The following PARP8 variants were observed in gnomAD, a reference collection of about 807,000 sequenced individuals.
PARP8 encodes the protein poly(ADP-ribose) polymerase family member 8, also known as protein mono-ADP-ribosyltransferase PARP8.
In PARP8, 51 loss-of-function variants were observed where a neutral mutation model predicts 124.1. That is an observed-to-expected ratio of 0.41 (90% CI 0.33 to 0.52). PARP8 has a LOEUF of 0.52. PARP8 is among the 20% of genes least tolerant of loss of function. PARP8 has a pLI of 0.21. For missense variants in PARP8, 860 were observed against 1,018.9 expected, an observed-to-expected ratio of 0.84 and a Z score of 2.12; for synonymous variants, 391 against 361.5, an observed-to-expected ratio of 1.08 and a Z score of -0.93.
intron 2 of PARP8, among the ~76,000 whole-genome samples, chr5:50,701,499 C>A (rs1753589448): frequency 6.6e-6 from 1 of 152,032 alleles, no homozygotes. Context: ...ATTTGCTCCC[C>A]TTTGCATAGT....
At chr5:50,832,101 T>C (rs1458317817) in intron 22 of PARP8, among the ~76,000 whole-genome samples, 1 of 152,198 alleles carries the variant, frequency 6.6e-6, no homozygotes, top group Non-Finnish European at 1.5e-5. Flanking sequence ...AAACAGGCTT[T>C]TCCCCTTCTC....
chr5:50,714,257 T>G (rs1047027881), intron 2 of PARP8, among the ~76,000 whole-genome samples: 5 of 151,916 alleles, frequency 3.3e-5, no homozygotes, highest in African/African-American at 9.7e-5. Flanking sequence ...CAACACCGAT[T>G]GCTGCTTGGC....
At position 50,754,146 on chromosome 5, in the gene PARP8, T is replaced by TACATATAC. The variant is rs1164314465; in HGVS notation, c.184+3959_184+3960insCATATACA. Among the ~76,000 whole-genome samples, 70 of 21,412 alleles carry TACATATAC rather than the reference T, an allele frequency of 3.3e-3. 4 individuals are homozygous for TACATATAC. Among genetic ancestry groups the TACATATAC allele is most frequent in the African/African-American group, 8.7e-3 (65 of 7,502 alleles). The allele number at this position is 21,412 out of a possible 152,430, so 14.0% of individuals were successfully genotyped here. ...ATATATATATATATATATATATATA[T>TACATATAC]ATATACACACACACACACACACACA... On this transcript the variant is annotated intron_variant, in intron 3 of 25. Coordinates refer to ENST00000281631, the MANE Select transcript of PARP8 (RefSeq NM_024615.4).
At chr5:50,733,178 C>T (rs1186342393) in intron 2 of PARP8, among the ~76,000 whole-genome samples, 1 of 151,754 alleles carries the variant, frequency 6.6e-6, no homozygotes, top group Non-Finnish European at 1.5e-5. Context: ...GTGTTGTGTG[C>T]CTATAATCCC....
At chr5:50,827,184 C>T (rs1187432184) in intron 19 of PARP8, among the ~76,000 whole-genome samples, 1 of 152,066 alleles carries the variant, frequency 6.6e-6, no homozygotes, top group Non-Finnish European at 1.5e-5. Context: ...TGACCTCAGA[C>T]AACTTATTTA....
rs200890160 is a variant in PARP8, at chr5:50,770,622, AAGG to A, written c.518+7384_518+7386del. On this transcript the variant is annotated intron_variant, in intron 7 of 25. Coordinates refer to ENST00000281631, the MANE Select transcript of PARP8 (RefSeq NM_024615.4). ...AGAAAAAGAAAGGAAGGAAGGAAGG[AAGG>A]AGGGAGGGAGGGAGTAAGGAAGGGA... 3.0e-4 allele frequency among the ~76,000 whole-genome samples: 46 copies of A among 151,780 alleles called. No homozygotes were observed. In the East Asian group the frequency reaches 7.9e-3, roughly 26 times the overall value.
At chr5:50,722,050 T>C (rs778885933) in intron 2 of PARP8, among the ~76,000 whole-genome samples, 5 of 152,120 alleles carry the variant, frequency 3.3e-5, no homozygotes, top group Non-Finnish European at 5.9e-5. Context: ...TTCCCTTTTT[T>C]GTGTGTCCAA....
At chr5:50,690,651 A>G (rs1473426582) in intron 2 of PARP8, among the ~76,000 whole-genome samples, 2 of 152,158 alleles carry the variant, frequency 1.3e-5, no homozygotes, top group African/African-American at 4.8e-5. Flanking sequence ...CCTATCTAGC[A>G]AAACTATGTC....
chr5:50,813,656 T>A (rs1300470093), intron 14 of PARP8, among the ~76,000 whole-genome samples: 1 of 152,216 alleles, frequency 6.6e-6, no homozygotes, highest in Non-Finnish European at 1.5e-5. Context: ...AGAGAGGGCA[T>A]CCCTGTCTTG....
At chr5:50,820,380 G>T (rs369960284) in intron 15 of PARP8, among the ~76,000 whole-genome samples, 5 of 152,216 alleles carry the variant, frequency 3.3e-5, no homozygotes, top group African/African-American at 1.2e-4. Context: ...GGTGAACTCT[G>T]ACCATTTAGG....
At chr5:50,746,661 G>GAT (rs1758575652) in intron 2 of PARP8, among the ~76,000 whole-genome samples, 2 of 152,068 alleles carry the variant, frequency 1.3e-5, no homozygotes, top group Admixed American at 6.5e-5. Context: ...TGTTACCTCT[G>GAT]ATATATATAT....
At chr5:50,778,259 T>C in intron 8 of PARP8, 130 bp downstream of exon 8, 1 of 719,962 alleles carries the variant, frequency 1.4e-6, no homozygotes, top group Admixed American at 3.3e-5. Context: ...AGGTGCTTTG[T>C]GAAGAATTGC....
At chr5:50,794,097 T>C in intron 10 of PARP8, 110 bp from the exon 11 acceptor site, 1 of 1,205,226 alleles carries the variant, frequency 8.3e-7, no homozygotes, top group Non-Finnish European at 1.1e-6. Flanking sequence ...CTCACTGATT[T>C]CTATGTGTTT....
chr5:50,702,652 T>C (rs181757815), intron 2 of PARP8, among the ~76,000 whole-genome samples: 231 of 152,342 alleles, frequency 1.5e-3, no homozygotes, highest in African/African-American at 5.2e-3. Flanking sequence ...ACACTGCTCT[T>C]TCCCTCCACT....
chr5:50,741,160 T>C (rs1758004757), intron 2 of PARP8, among the ~76,000 whole-genome samples: 1 of 152,196 alleles, frequency 6.6e-6, no homozygotes, highest in South Asian at 2.1e-4. Flanking sequence ...CTGAATTAGT[T>C]ATAGTTACAA....
intron 25 of PARP8, among the ~76,000 whole-genome samples, chr5:50,838,511 AT>A (rs1747830002): frequency 6.6e-6 from 1 of 151,922 alleles, no homozygotes; most frequent in African/African-American, 2.4e-5. Flanking sequence ...AAAGGAGAAA[AT>A]TTTCCATATT....
At chr5:50,768,946 A>G (rs1483443872) in intron 7 of PARP8, among the ~76,000 whole-genome samples, 1 of 133,874 alleles carries the variant, frequency 7.5e-6, no homozygotes, top group Middle Eastern at 3.7e-3. Flanking sequence ...AGAAAAAAGT[A>G]TAACTATTTA....
chr5:50,709,469 C>T (rs1281130863), intron 2 of PARP8, among the ~76,000 whole-genome samples: 1 of 151,922 alleles, frequency 6.6e-6, no homozygotes, highest in Non-Finnish European at 1.5e-5. Flanking sequence ...TCTGTTTCCT[C>T]CAAGTGTCAT....
Position 50,826,733 on chromosome 5 carries a change from T to G in PARP8, c.1929-22T>G, listed in dbSNP as rs1314991960. On this transcript the variant is annotated intron_variant, in intron 18 of 25. Transcript: ENST00000281631. ...AATATATTTGGCATGTATTTGTGAC[T>G]AATGGATCATTTTAATTTCAGGGTT... 5.7e-6 allele frequency: 9 copies of G among 1,573,724 alleles called. No individual in the cohort carries two copies. The African/African-American group carries it at 1.1e-4, about 19-fold the overall frequency.
Sources: allele counts gnomAD v4.1 joint callset (sites outside exome capture counted in the v4.1 genomes callset), GRCh38; gene constraint gnomAD v4.1.1; transcripts MANE v1.5; gene names NCBI Gene and HGNC (gene_info 2026-07-23, HGNC 2026-07-21).